FSIP1: variants seen among roughly 807,000 people sequenced by gnomAD.
FSIP1 encodes the protein fibrous sheath interacting protein 1.
Under a neutral mutation model 60.9 loss-of-function variants are expected in FSIP1, and 65 were observed. The ratio of observed to expected loss-of-function variants is 1.07; its 90% CI spans 0.87 to 1.31. FSIP1 has a LOEUF of 1.31. FSIP1 is among the 40% of genes most tolerant of loss of function. FSIP1 has a pLI of 0.00. For synonymous variants in FSIP1, 209 were observed against 221.2 expected (o/e 0.94, Z 0.49); for missense variants, 675 against 665.5 (o/e 1.01, Z -0.16).
At chr15:39,660,268 A>G (rs1323715188) in intron 10 of FSIP1, among the ~76,000 whole-genome samples, 6 of 152,198 alleles carry the variant, frequency 3.9e-5, no homozygotes, top group Non-Finnish European at 8.8e-5. Context: ...TTCTGTCCCC[A>G]TGCCTAGAGA....
chr15:39,751,454 C>G (rs922770011), intron 5 of FSIP1, among the ~76,000 whole-genome samples: 11 of 136,580 alleles, frequency 8.1e-5, no homozygotes, highest in Non-Finnish European at 1.1e-4. Flanking sequence ...CACACACACA[C>G]AGGAATATTA....
rs546048068 is a variant in FSIP1, at chr15:39,715,976, T to G, written c.1051-2395A>C. Among the ~76,000 whole-genome samples the G allele has an allele frequency of 4.6e-5, 7 of 152,340 alleles. No homozygotes were observed. The East Asian group carries it at 7.7e-4, about 17-fold the overall frequency. ...CAAAAGCAGAAGCTGCTGTGCCTCC[T>G]GTACAGCCTGCAGAACCGCGAGCCA... On this transcript the variant is annotated intron_variant, in intron 9 of 11. Transcript: ENST00000350221.
chr15:39,678,233 A>G (rs1222150586), intron 10 of FSIP1, among the ~76,000 whole-genome samples: 1 of 149,940 alleles, frequency 6.7e-6, no homozygotes, highest in East Asian at 1.9e-4. Context: ...TACAAAAGTA[A>G]CTAAAATTTT....
chr15:39,599,386 C>T (rs937131707), downstream of FSIP1: 2 of 152,146 alleles, frequency 1.3e-5, no homozygotes, highest in Middle Eastern at 3.2e-3. Flanking sequence ...AACAGAAAGG[C>T]TCACTATGTC....
rs116263733 is a variant in FSIP1, at chr15:39,664,763, C to T, written c.1189-46518G>A. 4.5e-3 allele frequency among the ~76,000 whole-genome samples: 683 copies of T among 152,130 alleles called. 5 individuals carry two copies. Among genetic ancestry groups the T allele is most frequent in the African/African-American group, 0.016 (643 of 41,478 alleles). ...CCTCCTATTACCAGGGAGAGATGTC[C>T]CTCTCTCCAAACAATACTAAGCTCC... On this transcript the variant is annotated intron_variant, in intron 10 of 11. Transcript: ENST00000350221.
At chr15:39,677,696 G>A (rs559661394) in intron 10 of FSIP1, among the ~76,000 whole-genome samples, 5 of 152,252 alleles carry the variant, frequency 3.3e-5, no homozygotes, top group African/African-American at 1.2e-4. Context: ...CACAAGGAAC[G>A]TAGTACTAGG....
intron 1 of FSIP1, among the ~76,000 whole-genome samples, chr15:39,781,078 CA>C (rs1261381455): frequency 6.6e-6 from 1 of 152,008 alleles, no homozygotes; most frequent in Non-Finnish European, 1.5e-5. Context: ...CAAATATTTG[CA>C]AAACACATAT....
chr15:39,667,443 A>C lies in FSIP1; in HGVS notation c.1188+46001T>G, dbSNP rs149623321. ...TTAGATGCCCCCAGGAGTGAGATGG[A>C]AAGCATAGGCTTATCAGAAGAGGAT... is the stretch of plus-strand genomic sequence containing the variant. On this transcript the variant is annotated intron_variant, in intron 10 of 11. Coordinates refer to ENST00000350221, the MANE Select transcript of FSIP1 (RefSeq NM_152597.5). Among the ~76,000 whole-genome samples the C allele has an allele frequency of 4.7e-3, 714 of 152,302 alleles. 3 individuals carry two copies. The highest frequency in any genetic ancestry group is 7.4e-3 in the Non-Finnish European group (506 of 68,022).
At chr15:39,749,925 C>T (rs1897115817) in intron 5 of FSIP1, among the ~76,000 whole-genome samples, 2 of 151,520 alleles carry the variant, frequency 1.3e-5, no homozygotes, top group Admixed American at 1.3e-4. Context: ...CAGATTCCAC[C>T]AGAAAAAAAC....
At chr15:39,687,121 T>C (rs1894402376) in intron 10 of FSIP1, among the ~76,000 whole-genome samples, 2 of 148,948 alleles carry the variant, frequency 1.3e-5, no homozygotes, top group South Asian at 4.2e-4. Flanking sequence ...CACCTTTCTT[T>C]CTTTCTTTTC....
intron 2 of FSIP1, 23 bp from the exon 3 acceptor site, chr15:39,770,633 AAC>A (rs1491515147): frequency 1.3e-5 from 18 of 1,416,338 alleles, no homozygotes; most frequent in African/African-American, 7.3e-5. Context: ...TCAAAAAAAA[AAC>A]AGTTTCCGAA....
chr15:39,770,377 T>C, intron 3 of FSIP1, 50 bp downstream of exon 3: 1 of 1,314,518 alleles, frequency 7.6e-7, no homozygotes, highest in Middle Eastern at 1.9e-4. Flanking sequence ...TTTGTAATAA[T>C]CATTAACATT....
At chr15:39,653,880 C>A (rs916637281) in intron 10 of FSIP1, among the ~76,000 whole-genome samples, 5 of 152,168 alleles carry the variant, frequency 3.3e-5, no homozygotes, top group African/African-American at 1.2e-4. Flanking sequence ...CTCAGGTATG[C>A]CTTCATCAGC....
chr15:39,677,594 ACAC>A (rs1163549160), intron 10 of FSIP1, among the ~76,000 whole-genome samples: 1 of 152,246 alleles, frequency 6.6e-6, no homozygotes, highest in Non-Finnish European at 1.5e-5. Context: ...AGACACAAAG[ACAC>A]ATATACAGGA....
At chr15:39,611,319 T>G (rs117892986) in intron 11 of FSIP1, among the ~76,000 whole-genome samples, 5,021 of 152,296 alleles carry the variant, frequency 0.033, 143 homozygotes, top group Non-Finnish European at 0.049. Flanking sequence ...TGTTGTTGTT[T>G]TTTTTTATTT....
At chr15:39,706,736 C>T (rs1475811670) in intron 10 of FSIP1, among the ~76,000 whole-genome samples, 1 of 152,136 alleles carries the variant, frequency 6.6e-6, no homozygotes, top group African/African-American at 2.4e-5. Context: ...TCTCCGCCTC[C>T]CCATCCATCC....
intron 5 of FSIP1, among the ~76,000 whole-genome samples, chr15:39,743,403 G>A (rs1249535218): frequency 6.6e-6 from 1 of 151,978 alleles, no homozygotes; most frequent in African/African-American, 2.4e-5. Flanking sequence ...TTAAAAGTTG[G>A]GCATTCAATT....
chr15:39,709,503 T>A (rs1172782397), intron 10 of FSIP1, among the ~76,000 whole-genome samples: 1 of 152,214 alleles, frequency 6.6e-6, no homozygotes, highest in Non-Finnish European at 1.5e-5. Context: ...TAGTTTTAGA[T>A]ACTATATATT....
At chr15:39,708,450 C>A (rs2140540319) in intron 10 of FSIP1, among the ~76,000 whole-genome samples, 1 of 152,324 alleles carries the variant, frequency 6.6e-6, no homozygotes, top group South Asian at 2.1e-4. Flanking sequence ...AGAAATACGT[C>A]TCTTTTTGGC....
Sources: gnomAD v4.1 joint callset for allele counts (sites outside exome capture counted in the v4.1 genomes callset) on GRCh38, gnomAD v4.1.1 for gene constraint, MANE v1.5 for transcripts, NCBI Gene and HGNC (gene_info 2026-07-23, HGNC 2026-07-21) for gene names.